TMEM38A: variants seen among roughly 807,000 people sequenced by gnomAD.
TMEM38A encodes the protein trimeric intracellular cation channel type A.
A neutral mutation model predicts 28.6 loss-of-function variants in TMEM38A; 17 were observed. That is an observed-to-expected ratio of 0.60 (90% CI 0.41 to 0.89). TMEM38A has a LOEUF of 0.89. TMEM38A is among the 40% of genes least tolerant of loss of function. The probability of loss-of-function intolerance (pLI) is 0.00; values close to 1 mark genes in which losing one functional copy is unlikely to be tolerated. For synonymous variants in TMEM38A, 169 were observed against 166.1 expected (o/e 1.02, Z -0.14); for missense variants, 328 against 393.1 (o/e 0.83, Z 1.40).
At chr19:16,686,106 T>G (rs2086800571) in intron 4 of TMEM38A, among the ~76,000 whole-genome samples, 182 bp from the exon 5 acceptor site, 1 of 152,040 alleles carries the variant, frequency 6.6e-6, no homozygotes, top group Non-Finnish European at 1.5e-5. Context: ...GAGGTTGCAG[T>G]GAGCCGAGGT....
At chr19:16,685,665 G>C (rs2086798709) in intron 4 of TMEM38A, among the ~76,000 whole-genome samples, 2 of 152,144 alleles carry the variant, frequency 1.3e-5, no homozygotes, top group Admixed American at 1.3e-4. Context: ...ATGCTGCATG[G>C]CCCAAGACCC....
Position 16,688,973 on chromosome 19 carries a change from A to G in TMEM38A, c.*602A>G, listed in dbSNP as rs1428064045. 2 of 150,352 alleles carry G rather than the reference A, an allele frequency of 1.3e-5. No homozygotes were observed. The highest frequency in any genetic ancestry group is 4.9e-5 in the African/African-American group (2 of 40,776). The allele number at this position is 150,352 out of a possible 1,614,324, so 9.3% of individuals were successfully genotyped here. A position where few individuals can be genotyped will look rare whatever the true frequency, so the allele number is the denominator to read the frequency against. ...TTCCCACTGCACTCCAGCCTGGCCA[A>G]TAAGACCTGTCTCCAGCAAGACCCT... On this transcript the variant is annotated 3_prime_UTR_variant, in exon 6 of 6. Transcript: ENST00000187762.
rs542430325 is a variant in TMEM38A, at chr19:16,685,158, G to A, written c.555-1130G>A. On this transcript the variant is annotated intron_variant, in intron 4 of 5. Coordinates refer to ENST00000187762, the MANE Select transcript of TMEM38A (RefSeq NM_024074.4). ...TCCCAGCACTTTGGGAGGCTGAGGC[G>A]GGTGGATTATTTGAGGTCAGGAGTT... is the stretch of plus-strand genomic sequence containing the variant. Among the ~76,000 whole-genome samples, 73 of 152,070 alleles carry A rather than the reference G, an allele frequency of 4.8e-4. No individual in the cohort carries two copies. In the East Asian group the frequency reaches 0.013, roughly 27 times the overall value.
chr19:16,667,085 A>G (rs559549905), intron 1 of TMEM38A, among the ~76,000 whole-genome samples: 5 of 152,176 alleles, frequency 3.3e-5, no homozygotes, highest in African/African-American at 1.2e-4. Context: ...CCTGGCCAAC[A>G]TGGCGAAACC....
chr19:16,682,523 C>T lies in TMEM38A; in HGVS notation c.554+15C>T. 1.9e-6 allele frequency: 3 copies of T among 1,611,562 alleles called. No homozygotes were observed. Among genetic ancestry groups the T allele is most frequent in the Non-Finnish European group, 1.7e-6 (2 of 1,177,768 alleles). On this transcript the variant is annotated intron_variant, in intron 4 of 5. Coordinates refer to ENST00000187762, the MANE Select transcript of TMEM38A (RefSeq NM_024074.4). The stretch of plus-strand genomic sequence containing the variant: ...CACATGTCTTTGTGAGTATCCCACT[C>T]CACCTCTCCCTCCATGCCTCCTGTA...
At chr19:16,674,123 G>T (rs2086739387) in intron 1 of TMEM38A, among the ~76,000 whole-genome samples, 1 of 149,074 alleles carries the variant, frequency 6.7e-6, no homozygotes, top group Non-Finnish European at 1.5e-5. Context: ...TGTGGTTCAT[G>T]CCTGTAATCC....
At chr19:16,688,066 C>A (rs1463605858) in intron 5 of TMEM38A, 78 bp from the exon 6 acceptor site, 3 of 1,055,764 alleles carry the variant, frequency 2.8e-6, no homozygotes, top group Non-Finnish European at 3.9e-6. Flanking sequence ...CTTCTCCCCA[C>A]CCTGCCCTCC....
At chr19:16,688,047 C>G in intron 5 of TMEM38A, 97 bp from the exon 6 acceptor site, 12 of 856,782 alleles carry the variant, frequency 1.4e-5, no homozygotes, top group African/African-American at 1.7e-5. Context: ...TGATGACATT[C>G]TCTCCCCTCT....
At chr19:16,683,192 TG>T (rs1389419746) in intron 4 of TMEM38A, among the ~76,000 whole-genome samples, 1 of 152,146 alleles carries the variant, frequency 6.6e-6, no homozygotes, top group Non-Finnish European at 1.5e-5. Flanking sequence ...CAGGCTGGTC[TG>T]GAACTCCTGA....
Position 16,686,354 on chromosome 19 carries a change from G to A in TMEM38A, c.621G>A (p.Val207=), listed in dbSNP as rs2086802029. Residue 207 remains valine, a synonymous_variant, in exon 5 of 6, where the codon GTG becomes GTA. Transcript: ENST00000187762. ...FTLQQTRWLP[V]SKASLIFIFT... is the part of the protein sequence containing the mutation. The stretch of plus-strand genomic sequence containing the variant: ...TCCAGCAGACCCGCTGGCTCCCAGT[G>A]TCCAAAGCCAGCCTCATCTTCATCT... 1 of 1,613,646 alleles carries A rather than the reference G, an allele frequency of 6.2e-7. No individual in the cohort carries two copies. Among genetic ancestry groups the A allele is most frequent in the Admixed American group, 1.7e-5 (1 of 59,960 alleles).
intron 4 of TMEM38A, among the ~76,000 whole-genome samples, chr19:16,683,250 A>G (rs370583165): frequency 1.3e-5 from 2 of 152,102 alleles, no homozygotes; most frequent in Non-Finnish European, 2.9e-5. Flanking sequence ...CCGGGATTAC[A>G]GGCATGAGCC....
chr19:16,673,689 G>C (rs1032593919), intron 1 of TMEM38A, among the ~76,000 whole-genome samples: 1 of 152,180 alleles, frequency 6.6e-6, no homozygotes. Flanking sequence ...CCCCCTGTGA[G>C]GTTGACCAAG....
chr19:16,675,793 C>T (rs560349187), intron 1 of TMEM38A, among the ~76,000 whole-genome samples: 33 of 149,962 alleles, frequency 2.2e-4, no homozygotes, highest in Admixed American at 1.6e-3. Context: ...GTCATCTGCC[C>T]GCCTCAGCCT....
intron 1 of TMEM38A, among the ~76,000 whole-genome samples, chr19:16,673,805 G>T (rs1158031487): frequency 1.3e-5 from 2 of 152,056 alleles, no homozygotes; most frequent in East Asian, 3.9e-4. Context: ...CCAGAAATGC[G>T]CAGGCCTGCT....
rs1017329017 is a variant in TMEM38A at position 16,689,914 on chromosome 19, C to T, written c.*1543C>T. 6.6e-6 allele frequency: 1 copy of T among 152,238 alleles called. No homozygotes were observed. Among genetic ancestry groups the T allele is most frequent in the African/African-American group, 2.4e-5 (1 of 41,444 alleles). 9.4% of individuals were successfully genotyped at this position (152,238 alleles called of 1,614,324 possible). A position where few individuals can be genotyped will look rare whatever the true frequency, so the allele number is the denominator to read the frequency against. On this transcript the variant is annotated 3_prime_UTR_variant, in exon 6 of 6. Coordinates refer to ENST00000187762, the MANE Select transcript of TMEM38A (RefSeq NM_024074.4). Reference sequence around the variant, plus strand: ...CGTTGCCAGGCTGTTGGAAAATTGCCTTGTTCCTGTGATGCCTGGGAGTTA... The same window carrying T: ...CGTTGCCAGGCTGTTGGAAAATTGCTTTGTTCCTGTGATGCCTGGGAGTTA...
At chr19:16,687,696 T>C (rs141151290) in intron 5 of TMEM38A, among the ~76,000 whole-genome samples, 1 of 152,264 alleles carries the variant, frequency 6.6e-6, no homozygotes, top group Non-Finnish European at 1.5e-5. Flanking sequence ...CCTGGGCCTC[T>C]TTATAAGGGC....
chr19:16,661,320 C>G lies in TMEM38A; in HGVS notation c.103C>G (p.Leu35Val), dbSNP rs1259527815. 6.3e-7 allele frequency: 1 copy of G among 1,595,534 alleles called. No individual in the cohort carries two copies. Among genetic ancestry groups the G allele is most frequent in the African/African-American group, 1.4e-5 (1 of 73,596 alleles). Residue 35 changes from leucine to valine, a missense_variant, in exon 1 of 6, where the codon CTC (leucine) becomes GTC (valine). Transcript: ENST00000187762. The surrounding 1 kb of genome is among the most constrained non-coding windows in gnomAD (Gnocchi z 6.5). Reference protein sequence around the residue: ...FDLSYFIVSILYLKYEPGAVE... With the variant: ...FDLSYFIVSIVYLKYEPGAVE... The stretch of plus-strand genomic sequence containing the variant: ...CCTCAGTTACTTCATCGTCTCCATC[C>G]TCTACCTCAAGTATGAGCCAGGTGA...
chr19:16,664,836 C>G (rs911285480), intron 1 of TMEM38A, among the ~76,000 whole-genome samples: 2 of 151,916 alleles, frequency 1.3e-5, no homozygotes, highest in African/African-American at 4.8e-5. Flanking sequence ...GCCTGGGCAA[C>G]AGAGCAAGAC....
At chr19:16,666,821 C>T (rs545996179) in intron 1 of TMEM38A, among the ~76,000 whole-genome samples, 11 of 151,942 alleles carry the variant, frequency 7.2e-5, no homozygotes, top group Non-Finnish European at 1.3e-4. Context: ...GGCATGGTGG[C>T]GGGCTCCTGT....
Sources: allele counts gnomAD v4.1 joint callset (sites outside exome capture counted in the v4.1 genomes callset), GRCh38; gene constraint gnomAD v4.1.1; non-coding constraint Gnocchi (gnomAD v3.1); transcripts MANE v1.5; gene names NCBI Gene and HGNC (gene_info 2026-07-23, HGNC 2026-07-21).